ZNF366: variants seen among roughly 807,000 people sequenced by gnomAD.
ZNF366 encodes the protein zinc finger protein 366, also known as dendritic cell-specific transcript protein.
ZNF366 carries 20 observed loss-of-function variants against 47.2 expected under a neutral mutation model. The observed-to-expected ratio is 0.42, with a 90% CI of 0.30 to 0.62. ZNF366 has a LOEUF of 0.62. Ranked by LOEUF, ZNF366 falls within the 20% of genes least tolerant of loss-of-function variation. The pLI is 0.16. For missense variants in ZNF366, 987 were observed against 976.3 expected (o/e 1.01, Z -0.15); for synonymous variants, 421 against 395.1 (o/e 1.07, Z -0.78).
At position 72,443,747 on chromosome 5, in the gene ZNF366, A is replaced by T; in HGVS notation, c.*9T>A. On this transcript the variant is annotated 3_prime_UTR_variant, in exon 5 of 5. Transcript: ENST00000318442. ...CTCATTTTCCAAATGTAATTTTAAA[A>T]CTGTCCACTTAGATACCTAAAAGCA... 6.3e-7 allele frequency: 1 copy of T among 1,598,984 alleles called. No individual in the cohort carries two copies. Among genetic ancestry groups the T allele is most frequent in the South Asian group, 1.1e-5 (1 of 89,038 alleles).
chr5:72,463,700 G>A (rs184992369), intron 1 of ZNF366, among the ~76,000 whole-genome samples: 5 of 152,300 alleles, frequency 3.3e-5, no homozygotes, highest in Admixed American at 1.3e-4. Flanking sequence ...GTCGTGCTGC[G>A]CTATCAGAAA....
At chr5:72,489,401 T>C (rs1006477072) in intron 1 of ZNF366, among the ~76,000 whole-genome samples, 1 of 152,236 alleles carries the variant, frequency 6.6e-6, no homozygotes, top group African/African-American at 2.4e-5. Flanking sequence ...TTTCTTTCTT[T>C]TTTTTAAAGC....
intron 3 of ZNF366, among the ~76,000 whole-genome samples, chr5:72,449,620 T>C (rs1743024775): frequency 6.6e-6 from 1 of 152,238 alleles, no homozygotes; most frequent in Non-Finnish European, 1.5e-5. Flanking sequence ...CTCATTTGGA[T>C]TGTGGGATGG....
chr5:72,463,898 C>T (rs931460381), intron 1 of ZNF366, among the ~76,000 whole-genome samples: 2 of 152,134 alleles, frequency 1.3e-5, no homozygotes, highest in Non-Finnish European at 2.9e-5. Context: ...CTAAACGTGT[C>T]CTGCTGAATT....
At chr5:72,487,886 A>C (rs1580251008) in intron 1 of ZNF366, among the ~76,000 whole-genome samples, 1 of 152,144 alleles carries the variant, frequency 6.6e-6, no homozygotes, top group Admixed American at 6.5e-5. Context: ...CTCCCCCATT[A>C]GAAATAGGAA....
At chr5:72,490,589 G>A (rs72761198) in intron 1 of ZNF366, among the ~76,000 whole-genome samples, 2,736 of 152,294 alleles carry the variant, frequency 0.018, 50 homozygotes, top group South Asian at 0.052. Context: ...GCTGGGCATG[G>A]AGGGACAATG....
chr5:72,454,438 A>G (rs1165077871), intron 3 of ZNF366, among the ~76,000 whole-genome samples: 1 of 152,084 alleles, frequency 6.6e-6, no homozygotes, highest in African/African-American at 2.4e-5. Context: ...ATGCCTTTGT[A>G]CCCTCAAACC....
At chr5:72,464,234 C>G (rs1429411128) in intron 1 of ZNF366, among the ~76,000 whole-genome samples, 1 of 152,150 alleles carries the variant, frequency 6.6e-6, no homozygotes. Context: ...TAAGAAGTTA[C>G]TTCTTCTTAA....
chr5:72,501,590 C>G (rs1303638857), intron 1 of ZNF366, among the ~76,000 whole-genome samples: 1 of 152,162 alleles, frequency 6.6e-6, no homozygotes, highest in African/African-American at 2.4e-5. Context: ...TATCACATTT[C>G]TCTCCCTGAA....
At chr5:72,472,483 C>G in intron 1 of ZNF366, 2 of 926,492 alleles carry the variant, frequency 2.2e-6, no homozygotes, top group Non-Finnish European at 2.6e-6. Flanking sequence ...ACAGCCTTCC[C>G]TACCAGTGGG....
intron 1 of ZNF366, among the ~76,000 whole-genome samples, chr5:72,478,804 G>A (rs2112342141): frequency 6.6e-6 from 1 of 152,288 alleles, no homozygotes; most frequent in East Asian, 1.9e-4. Flanking sequence ...ACCCCAAGGG[G>A]ACTTTGTCTA....
intron 1 of ZNF366, among the ~76,000 whole-genome samples, chr5:72,495,057 C>T (rs1471920077): frequency 6.6e-6 from 1 of 152,038 alleles, no homozygotes; most frequent in South Asian, 2.1e-4. Flanking sequence ...GAAGAAGTTT[C>T]CCTCATTGAT....
At chr5:72,462,547 C>CTTTCTTTCTTTCTTTCTTTCTATCT (rs11275151) in intron 1 of ZNF366, among the ~76,000 whole-genome samples, 1 of 78,916 alleles carries the variant, frequency 1.3e-5, no homozygotes, top group Non-Finnish European at 2.2e-5. Context: ...TTCTTTCTTT[C>CTTTCTTTCTTTCTTTCTTTCTATCT]TTTTTTTTTT....
chr5:72,478,795 C>T (rs1209830776), intron 1 of ZNF366, among the ~76,000 whole-genome samples: 2 of 152,154 alleles, frequency 1.3e-5, no homozygotes, highest in African/African-American at 4.8e-5. Flanking sequence ...GGTTTGCTCA[C>T]CCCAAGGGGA....
At chr5:72,459,670 T>G (rs989980982) in intron 2 of ZNF366, among the ~76,000 whole-genome samples, 1 of 152,182 alleles carries the variant, frequency 6.6e-6, no homozygotes, top group Admixed American at 6.5e-5. Context: ...TTGGAGAACT[T>G]GCATATGAAG....
At chr5:72,461,604 A>G in intron 1 of ZNF366, 94 bp from the exon 2 acceptor site, 5 of 1,445,372 alleles carry the variant, frequency 3.5e-6, no homozygotes, top group Non-Finnish European at 2.8e-6. Context: ...GTACTAATTT[A>G]TGAAGAGTAG....
At chr5:72,459,421 G>A (rs142848450) in intron 2 of ZNF366, among the ~76,000 whole-genome samples, 4 of 152,292 alleles carry the variant, frequency 2.6e-5, no homozygotes, top group South Asian at 2.1e-4. Context: ...CTAGGGCCTT[G>A]TTTTAGTTCA....
chr5:72,448,561 G>A (rs1743003722), intron 3 of ZNF366, among the ~76,000 whole-genome samples: 1 of 152,146 alleles, frequency 6.6e-6, no homozygotes, highest in South Asian at 2.1e-4. Context: ...TGTTAAGGGA[G>A]GAGAATTCTC....
At chr5:72,461,932 G>C (rs1320877437) in intron 1 of ZNF366, among the ~76,000 whole-genome samples, 2 of 152,200 alleles carry the variant, frequency 1.3e-5, no homozygotes, top group Non-Finnish European at 2.9e-5. Context: ...GTGAGCACTA[G>C]ACCCATTCTG....
Sources: gnomAD v4.1 joint callset for allele counts (sites outside exome capture counted in the v4.1 genomes callset) on GRCh38, gnomAD v4.1.1 for gene constraint, MANE v1.5 for transcripts, NCBI Gene and HGNC (gene_info 2026-07-23, HGNC 2026-07-21) for gene names.